The following MARCHF4 variants were observed in gnomAD, a reference collection of about 807,000 sequenced individuals.
MARCHF4 encodes E3 ubiquitin-protein ligase MARCHF4.
In MARCHF4, 14 loss-of-function variants were observed where a neutral mutation model predicts 43.9. That is an observed-to-expected ratio of 0.32 (90% CI 0.21 to 0.50). MARCHF4 has a LOEUF of 0.50. Ranked by LOEUF, MARCHF4 falls within the 20% of genes least tolerant of loss-of-function variation. MARCHF4 has a pLI of 0.98. For missense variants in MARCHF4, 468 were observed against 536.7 expected, an observed-to-expected ratio of 0.87 and a Z score of 1.27; for synonymous variants, 226 against 213.3, an observed-to-expected ratio of 1.06 and a Z score of -0.52.
rs1275346104 is a variant in MARCHF4, at chr2:216,260,715, C to T, written c.866-1036G>A. Among the ~76,000 whole-genome samples, 3 of 152,276 alleles carry T rather than the reference C, an allele frequency of 2.0e-5. No homozygotes were observed. The East Asian group carries it at 5.8e-4, about 29-fold the overall frequency. ...TAGGCCATGGCTAGGGATTTGCATT[C>T]TATCCTGAGTATAATGGGAAGCTAT... On this transcript the variant is annotated intron_variant, in intron 3 of 3. Coordinates refer to ENST00000273067, the MANE Select transcript of MARCHF4 (RefSeq NM_020814.3).
rs946415787 is a variant in MARCHF4 at position 216,281,913 on chromosome 2, C to A, written c.672+1661G>T. On this transcript the variant is annotated intron_variant, in intron 2 of 3. Transcript: ENST00000273067. ...TTAGAATAACCTTTTCATTTTTTAC[C>A]CCCAGGAAAAAGTTATCCCTAAATG... is the stretch of plus-strand genomic sequence containing the variant. 9.9e-5 allele frequency among the ~76,000 whole-genome samples: 15 copies of A among 152,136 alleles called. 1 individual carries two copies. In the South Asian group the frequency reaches 3.1e-3, roughly 32 times the overall value.
At chr2:216,330,763 AAAG>A (rs1692071501) in intron 1 of MARCHF4, among the ~76,000 whole-genome samples, 1 of 152,178 alleles carries the variant, frequency 6.6e-6, no homozygotes, top group Admixed American at 6.5e-5. Context: ...TCCATGGGTT[AAAG>A]AAGAAATCAC....
chr2:216,278,694 T>C (rs1366415426), intron 2 of MARCHF4, among the ~76,000 whole-genome samples: 3 of 152,142 alleles, frequency 2.0e-5, no homozygotes. Flanking sequence ...GACGAGAGAA[T>C]GAGATGTGGG....
intron 1 of MARCHF4, among the ~76,000 whole-genome samples, chr2:216,322,259 A>T (rs1197804213): frequency 1.3e-5 from 2 of 152,230 alleles, no homozygotes; most frequent in African/African-American, 4.8e-5. Flanking sequence ...GGTGGACCTC[A>T]AGTCATTAGG....
intron 2 of MARCHF4, among the ~76,000 whole-genome samples, chr2:216,279,692 GT>G (rs1691095029): frequency 6.6e-6 from 1 of 152,200 alleles, no homozygotes; most frequent in Non-Finnish European, 1.5e-5. Context: ...TCACTTGCTG[GT>G]CCAGACATAG....
intron 1 of MARCHF4, among the ~76,000 whole-genome samples, chr2:216,307,688 GC>G (rs1007463201): frequency 1.6e-4 from 24 of 152,258 alleles, no homozygotes; most frequent in South Asian, 8.3e-4. Context: ...GCACATGGAG[GC>G]CCCCGTGACA....
intron 1 of MARCHF4, among the ~76,000 whole-genome samples, chr2:216,343,221 T>C (rs960839850): frequency 1.3e-5 from 2 of 152,184 alleles, no homozygotes; most frequent in African/African-American, 4.8e-5. Context: ...CAAAATATCA[T>C]AGACTGAGTG....
In MARCHF4 at chr2:216,341,818, T is replaced by A. The variant is rs1692241698; in HGVS notation, c.516+27927A>T. 3.3e-5 allele frequency among the ~76,000 whole-genome samples: 5 copies of A among 152,162 alleles called. No homozygotes were observed. In the South Asian group the frequency reaches 1.0e-3, roughly 32 times the overall value. ...CTTTAGGTGCTGAATCCTAATTAGG[T>A]CTTGGGGGTCCCAGGGAGGGACTGG... On this transcript the variant is annotated intron_variant, in intron 1 of 3. Transcript: ENST00000273067.
chr2:216,334,195 G>C (rs923356408), intron 1 of MARCHF4, among the ~76,000 whole-genome samples: 3 of 152,136 alleles, frequency 2.0e-5, no homozygotes, highest in African/African-American at 7.2e-5. Flanking sequence ...CAGGAGAGTG[G>C]ATCAGAAAGA....
intron 1 of MARCHF4, among the ~76,000 whole-genome samples, chr2:216,340,257 C>T (rs1692216543): frequency 6.6e-6 from 1 of 152,132 alleles, no homozygotes; most frequent in Admixed American, 6.5e-5. Context: ...TGAGGGACCT[C>T]GGAGTGGGCT....
chr2:216,321,003 T>A (rs1159298141), intron 1 of MARCHF4, among the ~76,000 whole-genome samples: 2 of 151,874 alleles, frequency 1.3e-5, no homozygotes, highest in African/African-American at 2.4e-5. Flanking sequence ...AGTAAGATTT[T>A]GCAAAATTTC....
intron 2 of MARCHF4, among the ~76,000 whole-genome samples, chr2:216,278,977 T>C (rs752620769): frequency 5.8e-4 from 89 of 152,362 alleles, no homozygotes; most frequent in Admixed American, 1.6e-3. Context: ...CTGGCCACTA[T>C]GCTAGGTGTT....
At chr2:216,333,630 A>C (rs925661933) in intron 1 of MARCHF4, among the ~76,000 whole-genome samples, 10 of 152,206 alleles carry the variant, frequency 6.6e-5, no homozygotes, top group African/African-American at 2.4e-4. Context: ...GGAATCATAA[A>C]ATCAGCTCCT....
intron 1 of MARCHF4, among the ~76,000 whole-genome samples, chr2:216,302,378 C>T (rs192726710): frequency 0.033 from 4,458 of 133,514 alleles, 224 homozygotes; most frequent in African/African-American, 0.12. Context: ...GCCACCACGC[C>T]CATCTAATTT....
intron 3 of MARCHF4, among the ~76,000 whole-genome samples, chr2:216,274,792 C>G (rs1033272082): frequency 6.6e-6 from 1 of 152,318 alleles, no homozygotes; most frequent in Admixed American, 6.5e-5. Flanking sequence ...ACAAATGCCT[C>G]TGTTTCAGAA....
intron 1 of MARCHF4, among the ~76,000 whole-genome samples, chr2:216,319,612 G>T (rs1228381330): frequency 3.3e-5 from 5 of 151,768 alleles, no homozygotes; most frequent in African/African-American, 1.2e-4. Flanking sequence ...GATAATTAAA[G>T]AAATACTATG....
chr2:216,341,622 T>C (rs1490596787), intron 1 of MARCHF4, among the ~76,000 whole-genome samples: 1 of 152,188 alleles, frequency 6.6e-6, no homozygotes, highest in African/African-American at 2.4e-5. Context: ...GTGCACCAGA[T>C]CCTGTTCTCA....
At chr2:216,343,531 T>C (rs986813116) in intron 1 of MARCHF4, among the ~76,000 whole-genome samples, 3 of 152,156 alleles carry the variant, frequency 2.0e-5, no homozygotes, top group African/African-American at 7.2e-5. Flanking sequence ...ATCCGGGTGC[T>C]GGGGGCGGTG....
intron 1 of MARCHF4, among the ~76,000 whole-genome samples, chr2:216,352,740 A>T (rs1692421232): frequency 6.6e-6 from 1 of 152,132 alleles, no homozygotes; most frequent in Non-Finnish European, 1.5e-5. Context: ...TCTACCATAG[A>T]TATCTCATCT....
Sources: gnomAD v4.1 joint callset for allele counts (sites outside exome capture counted in the v4.1 genomes callset) on GRCh38, gnomAD v4.1.1 for gene constraint, MANE v1.5 for transcripts, NCBI Gene and HGNC (gene_info 2026-07-23, HGNC 2026-07-21) for gene names.